LAS1L: variants seen among roughly 807,000 people sequenced by gnomAD.
LAS1L encodes ribosomal biogenesis protein LAS1L.
A neutral mutation model predicts 57.3 loss-of-function variants in LAS1L; 5 were observed. The observed-to-expected ratio is 0.09, with a 90% CI of 0.05 to 0.18. The LOEUF (loss-of-function observed/expected upper bound fraction) is 0.18, where lower values mean the gene tolerates loss of function less well. LAS1L is among the 10% of genes least tolerant of loss of function. The probability of loss-of-function intolerance (pLI) is 1.00; values close to 1 mark genes in which losing one functional copy is unlikely to be tolerated. For missense variants in LAS1L, 360 were observed against 568.3 expected, an observed-to-expected ratio of 0.63 and a Z score of 3.73; for synonymous variants, 245 against 231.7, an observed-to-expected ratio of 1.06 and a Z score of -0.52.
At chrX:65,531,315 C>T (rs1232651822) in intron 4 of LAS1L, 42 bp downstream of exon 4, 1 of 1,019,156 alleles carries the variant, frequency 9.8e-7, no homozygotes, top group Non-Finnish European at 1.4e-6. Flanking sequence ...AAGCCCAGGC[C>T]CCTGGGCTTA....
chrX:65,516,679 A>AC (rs58651552), intron 12 of LAS1L, among the ~76,000 whole-genome samples: 1 of 98,646 alleles, frequency 1.0e-5, no homozygotes, highest in Non-Finnish European at 2.0e-5. Context: ...ACACACACAC[A>AC]AATTCTGCTT....
intron 2 of LAS1L, 92 bp downstream of exon 2, chrX:65,533,518 G>T: frequency 1.1e-6 from 1 of 938,000 alleles, no homozygotes; most frequent in Non-Finnish European, 1.5e-6. Flanking sequence ...TTTGCTTCAG[G>T]TAACACCTGA....
intron 1 of LAS1L, 117 bp from the exon 2 acceptor site, chrX:65,533,852 A>G: frequency 1.3e-6 from 1 of 780,638 alleles, no homozygotes; most frequent in Non-Finnish European, 1.8e-6. Context: ...GAGAGCATGA[A>G]CAGACACAAA....
At chrX:65,532,481 G>A in intron 3 of LAS1L, 80 bp downstream of exon 3, 1 of 715,132 alleles carries the variant, frequency 1.4e-6, no homozygotes, top group Non-Finnish European at 2.2e-6. Context: ...TAGTCTGACT[G>A]TGTGCCCACA....
intron 7 of LAS1L, among the ~76,000 whole-genome samples, chrX:65,525,688 T>C (rs1361647963): frequency 1.0e-5 from 1 of 99,956 alleles, no homozygotes. Context: ...ATTGGAACGC[T>C]AAGCTTGTGG....
intron 11 of LAS1L, among the ~76,000 whole-genome samples, chrX:65,519,984 T>C (rs1248349529): frequency 2.7e-5 from 3 of 112,063 alleles, no homozygotes; most frequent in Admixed American, 9.4e-5. Context: ...GAGAGAAACT[T>C]TGTCCTCTCA....
chrX:65,526,662 G>C (rs762227091), intron 7 of LAS1L, among the ~76,000 whole-genome samples: 1 of 111,472 alleles, frequency 9.0e-6, no homozygotes, highest in Non-Finnish European at 1.9e-5. Context: ...GTTCTTAGCG[G>C]AAAGTCCCCC....
chrX:65,518,785 A>C, intron 11 of LAS1L: 1 of 747,274 alleles, frequency 1.3e-6, no homozygotes, highest in Non-Finnish European at 1.6e-6. Flanking sequence ...GCATGCAATA[A>C]ATGATAGCTA....
At chrX:65,513,051 C>T (rs772395639) in intron 13 of LAS1L, 150 bp from the exon 14 acceptor site, 112 of 560,821 alleles carry the variant, frequency 2.0e-4, no homozygotes, top group Non-Finnish European at 2.7e-4. Context: ...GAAACGACTT[C>T]GTGTGGGCCC....
chrX:65,533,548 C>T lies in LAS1L; in HGVS notation c.362+62G>A, dbSNP rs767382682. 5 of 1,155,747 alleles carry T rather than the reference C, an allele frequency of 4.3e-6. No homozygotes were observed. In the African/African-American group the frequency reaches 9.0e-5, roughly 21 times the overall value. ...ACCTGAAGCCAAGTTTTGCTTATCA[C>T]ATGCCTCCCCTGCCTCCAGTCCCCA... is the stretch of plus-strand genomic sequence containing the variant. On this transcript the variant is annotated intron_variant, in intron 2 of 13. Transcript: ENST00000374811.
chrX:65,524,463 A>G (rs2069022602), intron 9 of LAS1L, 101 bp downstream of exon 9: 3 of 499,629 alleles, frequency 6.0e-6, no homozygotes, highest in African/African-American at 2.3e-5. Context: ...AACAGTGGGG[A>G]GAGAGAAACC....
At chrX:65,522,427 A>G (rs1363490883) in intron 11 of LAS1L, 1 of 110,500 alleles carries the variant, frequency 9.0e-6, no homozygotes, top group African/African-American at 3.3e-5. Context: ...ATTAAAAATC[A>G]TACCTCTGCA....
intron 12 of LAS1L, among the ~76,000 whole-genome samples, chrX:65,517,084 G>A (rs866866937): frequency 1.2e-4 from 13 of 110,691 alleles, no homozygotes; most frequent in South Asian, 7.7e-4. Context: ...TACTCAAAAG[G>A]AAGAGCAGAT....
At chrX:65,534,409 T>C in intron 1 of LAS1L, 71 bp downstream of exon 1, 1 of 809,085 alleles carries the variant, frequency 1.2e-6, no homozygotes, top group Non-Finnish European at 1.7e-6. Context: ...CAGGGCCTTA[T>C]AGAAACTCGA....
At chrX:65,525,748 CAAAAAAAA>C (rs772564998) in intron 7 of LAS1L, among the ~76,000 whole-genome samples, 1 of 38,258 alleles carries the variant, frequency 2.6e-5, no homozygotes, top group African/African-American at 1.1e-4. Context: ...TCTGATTTTT[CAAAAAAAA>C]AAAAAAAAAA....
intron 4 of LAS1L, 87 bp from the exon 5 acceptor site, chrX:65,529,965 C>T: frequency 1.1e-6 from 1 of 890,391 alleles, no homozygotes; most frequent in South Asian, 2.4e-5. Context: ...TATAGGAAGG[C>T]CCCAGGAAAA....
At chrX:65,525,510 C>T (rs370672993) in intron 7 of LAS1L, among the ~76,000 whole-genome samples, 23 of 110,080 alleles carry the variant, frequency 2.1e-4, no homozygotes, top group Admixed American at 1.4e-3. Context: ...CTTTTAGATC[C>T]TAGAAGTAGA....
rs13440734 is a variant in LAS1L at position 65,532,272 on chromosome X, A to C, written c.432+289T>G. Among the ~76,000 whole-genome samples, 27,249 of 112,382 alleles carry C rather than the reference A, an allele frequency of 0.24. 7,720 individuals are homozygous for C. Among genetic ancestry groups the C allele is most frequent in the African/African-American group, 0.83 (25,556 of 30,773 alleles). Reference sequence around the variant, plus strand: ...TCTCCTCTCTCAGACTGTCAGCTCCATGAGGGCAGGTGCTGTGACTGTCAC... The same window carrying C: ...TCTCCTCTCTCAGACTGTCAGCTCCCTGAGGGCAGGTGCTGTGACTGTCAC... On this transcript the variant is annotated intron_variant, in intron 3 of 13. Transcript: ENST00000374811.
At chrX:65,520,735 G>A (rs1210723968) in intron 11 of LAS1L, 8 of 752,077 alleles carry the variant, frequency 1.1e-5, no homozygotes, top group African/African-American at 2.3e-5. Flanking sequence ...GGCATGTGTC[G>A]CATCCCTCTG....
Sources: gnomAD v4.1 joint callset for allele counts (sites outside exome capture counted in the v4.1 genomes callset) on GRCh38, gnomAD v4.1.1 for gene constraint, MANE v1.5 for transcripts, NCBI Gene and HGNC (gene_info 2026-07-23, HGNC 2026-07-21) for gene names.